The following CDC25A variants were observed in gnomAD, a reference collection of about 807,000 sequenced individuals.
CDC25A encodes cell division cycle 25A, also known as M-phase inducer phosphatase 1.
In CDC25A, 17 loss-of-function variants were observed where a neutral mutation model predicts 64.6. That is an observed-to-expected ratio of 0.26 (90% CI 0.18 to 0.39). CDC25A has a LOEUF of 0.39. Ranked by LOEUF, CDC25A falls within the 10% of genes least tolerant of loss-of-function variation. CDC25A has a pLI of 1.00. For synonymous variants in CDC25A, 229 were observed against 238.6 expected (o/e 0.96, Z 0.37); for missense variants, 473 against 654.8 (o/e 0.72, Z 3.03).
intron 13 of CDC25A, among the ~76,000 whole-genome samples, chr3:48,163,368 G>A (rs1306063755): frequency 2.0e-5 from 3 of 152,066 alleles, no homozygotes; most frequent in Non-Finnish European, 4.4e-5. Context: ...ACTTTGGGAG[G>A]CTGAGGCAGG....
chr3:48,183,697 A>G, intron 4 of CDC25A, 103 bp downstream of exon 4: 2 of 731,850 alleles, frequency 2.7e-6, no homozygotes, highest in Non-Finnish European at 2.4e-6. Flanking sequence ...GACTAAAGAA[A>G]AGCAGTTTTT....
Position 48,177,951 on chromosome 3 carries a change from T to A in CDC25A, c.587A>T (p.Asn196Ile), listed in dbSNP as rs1209816456. 1.2e-6 allele frequency: 2 copies of A among 1,613,582 alleles called. No individual in the cohort carries two copies. Among genetic ancestry groups the A allele is most frequent in the Non-Finnish European group, 1.7e-6 (2 of 1,179,728 alleles). The change falls in exon 7 of 15, where the codon AAT (asparagine) becomes ATT (isoleucine). Residue 196 changes from asparagine (N) to isoleucine (I), a missense_variant. Asn to Ile is a moderately radical substitution (Grantham distance 149). Coordinates refer to ENST00000302506, the MANE Select transcript of CDC25A (RefSeq NM_001789.3). ...SNERDSSEPG[N>I]FIPLFTPQSP... is the part of the protein sequence containing the mutation. ...CTGGGGTGTAAAAAGAGGAATGAAA[T>A]TCCCTGGTTCACTGCTATCTCTTTC...
chr3:48,160,334 C>T (rs1040725311), intron 13 of CDC25A, among the ~76,000 whole-genome samples: 3 of 151,904 alleles, frequency 2.0e-5, no homozygotes, highest in Admixed American at 6.6e-5. Context: ...TGGTCTCGAC[C>T]TCTTGACCTT....
rs771328507 is a variant in CDC25A, at chr3:48,182,959, C to T, written c.399G>A (p.Gln133=). 7.7e-5 allele frequency: 124 copies of T among 1,613,180 alleles called. No homozygotes were observed. The highest frequency in any genetic ancestry group is 9.5e-5 in the Non-Finnish European group (112 of 1,179,238). ...CCTTGTTCTCATCTGGGTCGATGAG[C>T]TGAAAGATGTCATGGTCAAGAGAAT... ...HSDSLDHDIF[Q]LIDPDENKEN... The change falls in exon 5 of 15, where the codon CAG becomes CAA. Residue 133 remains glutamine, a synonymous_variant. Transcript: ENST00000302506.
intron 13 of CDC25A, among the ~76,000 whole-genome samples, chr3:48,160,477 C>G (rs2031709150): frequency 6.7e-6 from 1 of 148,580 alleles, no homozygotes; most frequent in South Asian, 2.1e-4. Flanking sequence ...CTGGCGCGAT[C>G]TCGGCTCACT....
chr3:48,165,966 G>A, intron 10 of CDC25A, 73 bp from the exon 11 acceptor site: 1 of 1,034,722 alleles, frequency 9.7e-7, no homozygotes, highest in South Asian at 1.3e-5. Flanking sequence ...GTTTTGTCTG[G>A]CTGGTAGGAG....
rs937509845 is a variant in CDC25A, at chr3:48,174,334, T to A, written c.880A>T (p.Met294Leu). ...PPGSTKRRKS[M>L]SGASPKESTN... ...GACTCTTTGGGGCTGGCCCCAGACA[T>A]GCTCTTCCTCCTCTTTGTACTTCCA... Residue 294 changes from methionine (M) to leucine (L), a missense_variant, in exon 9 of 15, where the codon ATG becomes TTG. Around this residue, in one of 2 missense-constraint regions of CDC25A, gnomAD observed 376 missense variants for 431.9 expected, o/e 0.87. Transcript: ENST00000302506. 2.5e-6 allele frequency: 4 copies of A among 1,614,124 alleles called. No homozygotes were observed. The highest frequency in any genetic ancestry group is 3.4e-6 in the Non-Finnish European group (4 of 1,180,060).
intron 8 of CDC25A, 46 bp from the exon 9 acceptor site, chr3:48,174,503 T>C (rs772014810): frequency 6.4e-7 from 1 of 1,554,426 alleles, no homozygotes. Flanking sequence ...TTAAAACCTG[T>C]TCACTTGAAT....
At chr3:48,186,885 C>T in intron 1 of CDC25A, 106 bp from the exon 2 acceptor site, 1 of 732,426 alleles carries the variant, frequency 1.4e-6, no homozygotes, top group Non-Finnish European at 2.3e-6. Context: ...TGCCAGAAAC[C>T]ATTTCTAGGC....
intron 4 of CDC25A, 112 bp from the exon 5 acceptor site, chr3:48,183,142 C>T (rs1054955600): frequency 3.8e-5 from 26 of 678,538 alleles, no homozygotes; most frequent in Non-Finnish European, 5.9e-5. Flanking sequence ...ACTAGCTCCT[C>T]ACACACTGCA....
At chr3:48,183,128 G>C in intron 4 of CDC25A, 98 bp from the exon 5 acceptor site, 2 of 749,304 alleles carry the variant, frequency 2.7e-6, no homozygotes, top group Non-Finnish European at 2.3e-6. Context: ...TGAATAGGGG[G>C]TAGACTAGCT....
At chr3:48,159,216 C>T in intron 14 of CDC25A, 128 bp downstream of exon 14, 5 of 1,315,020 alleles carry the variant, frequency 3.8e-6, no homozygotes, top group Non-Finnish European at 5.3e-6. Context: ...CAGGGGCTTT[C>T]TTTGGGTTCA....
chr3:48,183,111 G>A (rs376448256), intron 4 of CDC25A, 81 bp from the exon 5 acceptor site: 3 of 955,516 alleles, frequency 3.1e-6, no homozygotes, highest in Admixed American at 1.9e-5. Flanking sequence ...AGAAAAAAAA[G>A]GGGGGTTGAA....
At chr3:48,172,872 A>G (rs1459958293) in intron 9 of CDC25A, among the ~76,000 whole-genome samples, 2 of 151,746 alleles carry the variant, frequency 1.3e-5, no homozygotes, top group East Asian at 3.9e-4. Flanking sequence ...AGAAACAGGA[A>G]ACAACAAAAC....
At chr3:48,174,207 G>C (rs2032371100) in intron 9 of CDC25A, 77 bp downstream of exon 9, 2 of 1,305,068 alleles carry the variant, frequency 1.5e-6, no homozygotes, top group South Asian at 2.9e-5. Context: ...GAAAATAAAT[G>C]AACCACTAAG....
rs11928171 is a variant in CDC25A at position 48,168,948 on chromosome 3, G to A, written c.931-1004C>T. ...ATTACAGGTGTGAGCCACCGCGCCCGGCCTACGTCTTAGCTTTATTCAATG... is the reference window on the plus strand; with the variant it reads ...ATTACAGGTGTGAGCCACCGCGCCCAGCCTACGTCTTAGCTTTATTCAATG... On this transcript the variant is annotated intron_variant, in intron 9 of 14. Transcript: ENST00000302506. Among the ~76,000 whole-genome samples the A allele has an allele frequency of 2.7e-3, 409 of 152,194 alleles. 2 individuals carry two copies. The highest frequency in any genetic ancestry group is 9.0e-3 in the African/African-American group (375 of 41,528).
intron 9 of CDC25A, among the ~76,000 whole-genome samples, chr3:48,172,061 A>AG (rs995571846): frequency 1.3e-5 from 2 of 151,964 alleles, no homozygotes; most frequent in African/African-American, 2.4e-5. Context: ...CCCAGCTGCT[A>AG]GGGGGGCTGA....
intron 8 of CDC25A, 84 bp downstream of exon 8, chr3:48,177,287 T>C: frequency 9.6e-7 from 1 of 1,038,760 alleles, no homozygotes; most frequent in Admixed American, 1.9e-5. Context: ...TGCATTTCAA[T>C]CTTTGGCTAT....
chr3:48,180,226 G>A (rs1317201512), intron 6 of CDC25A: 3 of 152,552 alleles, frequency 2.0e-5, no homozygotes, highest in African/African-American at 7.2e-5. Flanking sequence ...GCCCATAACT[G>A]TTCTTAACAA....
Sources: allele counts gnomAD v4.1 joint callset (sites outside exome capture counted in the v4.1 genomes callset), GRCh38; gene constraint gnomAD v4.1.1; regional missense constraint gnomAD v4.1.1; transcripts MANE v1.5; gene names NCBI Gene and HGNC (gene_info 2026-07-23, HGNC 2026-07-21).